The following POLN variants were observed in gnomAD, a reference collection of about 807,000 sequenced individuals.
The protein encoded by POLN is DNA polymerase nu, also known as DNA polymerase N.
In POLN, 108 loss-of-function variants were observed where a neutral mutation model predicts 113.5. That is an observed-to-expected ratio of 0.95 (90% CI 0.81 to 1.12). POLN has a LOEUF of 1.12. POLN is among the 50% of genes most tolerant of loss of function. POLN has a pLI of 0.00. For synonymous variants in POLN, 386 were observed against 391.5 expected (o/e 0.99, Z 0.17); for missense variants, 1,097 against 1,077.1 (o/e 1.02, Z -0.26).
At chr4:2,088,903 A>G in intron 20 of POLN, 1 of 1,342,728 alleles carries the variant, frequency 7.4e-7, no homozygotes, top group Non-Finnish European at 1.0e-6. Context: ...GTGGGTAACG[A>G]AGACACAGTG....
chr4:2,233,427 T>G (rs543426566), intron 2 of POLN, among the ~76,000 whole-genome samples: 1 of 142,824 alleles, frequency 7.0e-6, no homozygotes, highest in African/African-American at 2.9e-5. Flanking sequence ...TTTTAGTGAT[T>G]CTTGGATGCA....
chr4:2,130,081 C>T (rs1021824347), intron 17 of POLN, among the ~76,000 whole-genome samples: 3 of 151,850 alleles, frequency 2.0e-5, no homozygotes, highest in African/African-American at 4.8e-5. Flanking sequence ...TGGTGAAACC[C>T]TATCTCTACT....
chr4:2,128,274 C>A (rs779807423), intron 18 of POLN, 47 bp from the exon 19 acceptor site: 2 of 1,313,844 alleles, frequency 1.5e-6, no homozygotes. Flanking sequence ...CAGCAATGTT[C>A]CTCGTGTTTG....
At chr4:2,233,829 G>C (rs3774) in intron 2 of POLN, among the ~76,000 whole-genome samples, 1 of 152,126 alleles carries the variant, frequency 6.6e-6, no homozygotes, top group South Asian at 2.1e-4. Flanking sequence ...ATGATGGCGT[G>C]CCATATGGTC....
intron 19 of POLN, among the ~76,000 whole-genome samples, chr4:2,098,989 T>A (rs1730862828): frequency 6.6e-6 from 1 of 151,980 alleles, no homozygotes; most frequent in African/African-American, 2.4e-5. Context: ...CTGAAAGAGG[T>A]CCCAATGGCC....
chr4:2,239,992 C>G (rs1734912016), intron 2 of POLN: 1 of 1,450,556 alleles, frequency 6.9e-7, no homozygotes, highest in Admixed American at 1.8e-5. Flanking sequence ...TCCTCTATTC[C>G]TAACAATAAT....
At chr4:2,226,384 C>A (rs748560286) in intron 3 of POLN, among the ~76,000 whole-genome samples, 1 of 152,150 alleles carries the variant, frequency 6.6e-6, no homozygotes, top group Non-Finnish European at 1.5e-5. Context: ...AAAAAGTTAT[C>A]TGGAATAATT....
intron 19 of POLN, among the ~76,000 whole-genome samples, chr4:2,117,089 C>A (rs910649961): frequency 3.9e-5 from 6 of 152,236 alleles, no homozygotes; most frequent in Non-Finnish European, 8.8e-5. Flanking sequence ...CACTGCAGCT[C>A]TGTTCCATGT....
chr4:2,171,701 A>T (rs913883891), intron 11 of POLN, among the ~76,000 whole-genome samples: 6 of 152,246 alleles, frequency 3.9e-5, no homozygotes, highest in African/African-American at 1.4e-4. Context: ...GCACTTTGGG[A>T]GGCCGAGGCA....
chr4:2,122,888 C>T (rs1161399867), intron 19 of POLN, among the ~76,000 whole-genome samples: 5 of 152,162 alleles, frequency 3.3e-5, no homozygotes, highest in Non-Finnish European at 5.9e-5. Flanking sequence ...GGCGGTAGCT[C>T]ACACCTGTAA....
intron 5 of POLN, 129 bp from the exon 6 acceptor site, chr4:2,198,846 A>G: frequency 1.0e-6 from 1 of 953,074 alleles, no homozygotes; most frequent in Non-Finnish European, 1.5e-6. Flanking sequence ...TAGTTTTTTA[A>G]TGACAATTGA....
At position 2,207,919 on chromosome 4, in the gene POLN, T is replaced by A. The variant is rs113090661; in HGVS notation, c.714+68A>T. The stretch of plus-strand genomic sequence containing the variant: ...TGTTTCTAGCTCTCCTATCAAAATC[T>A]GACACTAAGAAAATGGGCTTCTTTT... On this transcript the variant is annotated intron_variant, in intron 5 of 25. Coordinates refer to ENST00000511885, the MANE Select transcript of POLN (RefSeq NM_181808.4). 6.5e-5 allele frequency: 97 copies of A among 1,497,458 alleles called. No individual in the cohort carries two copies. The African/African-American group carries it at 1.1e-3, about 18-fold the overall frequency. The allele number at this position is 1,497,458 out of a possible 1,614,324, so 92.8% of individuals were successfully genotyped here. A position where few individuals can be genotyped will look rare whatever the true frequency, so the allele number is the denominator to read the frequency against.
At position 2,198,831 on chromosome 4, in the gene POLN, A is replaced by G. The variant is rs13123242; in HGVS notation, c.715-114T>C. 5.3e-3 allele frequency: 5,476 copies of G among 1,041,912 alleles called. 51 individuals carry two copies. The highest frequency in any genetic ancestry group is 5.4e-3 in the South Asian group (295 of 54,976). The allele number at this position is 1,041,912 out of a possible 1,614,324, so 64.5% of individuals were successfully genotyped here. A position where few individuals can be genotyped will look rare whatever the true frequency, so the allele number is the denominator to read the frequency against. On this transcript the variant is annotated intron_variant, in intron 5 of 25. Transcript: ENST00000511885. ...AAAAGGCCTAAAATTAAACTTGTAA[A>G]TGAATAGTTTTTTAATGACAATTGA... is the stretch of plus-strand genomic sequence containing the variant.
chr4:2,190,404 T>G (rs1388285591), intron 7 of POLN, among the ~76,000 whole-genome samples: 1 of 151,486 alleles, frequency 6.6e-6, no homozygotes, highest in Non-Finnish European at 1.5e-5. Flanking sequence ...GACTTAAATC[T>G]AAGACCTGAA....
At chr4:2,074,377 A>T (rs937328334) in intron 24 of POLN, among the ~76,000 whole-genome samples, 1 of 152,168 alleles carries the variant, frequency 6.6e-6, no homozygotes, top group South Asian at 2.1e-4. Context: ...CTGAGAGAGC[A>T]GAGCACAGGC....
intron 20 of POLN, among the ~76,000 whole-genome samples, chr4:2,094,252 C>G (rs1012973260): frequency 6.6e-6 from 1 of 151,632 alleles, no homozygotes; most frequent in Non-Finnish European, 1.5e-5. Context: ...GAGGCTGAGG[C>G]AGGAGGCTTG....
chr4:2,075,934 CT>C (rs1223434212), intron 23 of POLN, among the ~76,000 whole-genome samples: 1 of 152,152 alleles, frequency 6.6e-6, no homozygotes, highest in African/African-American at 2.4e-5. Context: ...AAAACAGCCC[CT>C]TGTGAACTGT....
At chr4:2,223,961 T>C (rs1734323662) in intron 3 of POLN, among the ~76,000 whole-genome samples, 2 of 152,164 alleles carry the variant, frequency 1.3e-5, no homozygotes, top group Admixed American at 1.3e-4. Context: ...TTTTTAAAAA[T>C]TTTCTTTCTT....
chr4:2,122,526 C>A (rs1319556814), intron 19 of POLN, among the ~76,000 whole-genome samples: 1 of 152,104 alleles, frequency 6.6e-6, no homozygotes, highest in African/African-American at 2.4e-5. Flanking sequence ...CAAGTCAAAG[C>A]TCAATGAGAT....
Sources: allele counts gnomAD v4.1 joint callset (sites outside exome capture counted in the v4.1 genomes callset), GRCh38; gene constraint gnomAD v4.1.1; transcripts MANE v1.5; gene names NCBI Gene and HGNC (gene_info 2026-07-23, HGNC 2026-07-21).